Variants in MCC observed in about 807,000 individuals in gnomAD.
MCC encodes the protein MCC regulator of Wnt signaling pathway, also known as colorectal mutant cancer protein.
MCC carries 90 observed loss-of-function variants against 116.2 expected under a neutral mutation model. The observed-to-expected ratio is 0.77, with a 90% CI of 0.65 to 0.92. The LOEUF is 0.92. Among genes scored for constraint, MCC ranks in the 40% least tolerant of loss-of-function variants. The probability of loss-of-function intolerance (pLI) is 0.00; values close to 1 mark genes in which losing one functional copy is unlikely to be tolerated. For synonymous variants in MCC, 578 were observed against 510.5 expected (o/e 1.13, Z -1.78); for missense variants, 1,516 against 1,312.2 (o/e 1.16, Z -2.40).
chr5:113,065,227 C>G, intron 13 of MCC, among the ~76,000 whole-genome samples: 1 of 152,124 alleles, frequency 6.6e-6, no homozygotes, highest in East Asian at 1.9e-4. Flanking sequence ...AGGTTCATCA[C>G]TTGTAACTAA....
intron 17 of MCC, among the ~76,000 whole-genome samples, chr5:113,043,102 C>T (rs1219939406): frequency 6.6e-6 from 1 of 152,142 alleles, no homozygotes; most frequent in Admixed American, 6.5e-5. Context: ...GAAAGAAACA[C>T]TGAAATAATA....
intron 17 of MCC, among the ~76,000 whole-genome samples, chr5:113,038,398 G>A (rs571517545): frequency 1.3e-5 from 2 of 152,276 alleles, no homozygotes; most frequent in East Asian, 3.9e-4. Context: ...TGTGGGGACT[G>A]AGGGTTAAGG....
intron 13 of MCC, among the ~76,000 whole-genome samples, chr5:113,066,940 A>T (rs762307076): frequency 1.3e-5 from 2 of 152,168 alleles, no homozygotes; most frequent in African/African-American, 4.8e-5. Context: ...CCGAAGGCTA[A>T]GGGGGTGTCC....
At chr5:113,030,504 C>T (rs1750879181) in intron 17 of MCC, among the ~76,000 whole-genome samples, 1 of 152,108 alleles carries the variant, frequency 6.6e-6, no homozygotes, top group Admixed American at 6.5e-5. Flanking sequence ...CATGGTGAAA[C>T]CCCATCTCTA....
At chr5:113,311,091 C>T (rs1420033582) in intron 3 of MCC, among the ~76,000 whole-genome samples, 1 of 152,186 alleles carries the variant, frequency 6.6e-6, no homozygotes, top group Non-Finnish European at 1.5e-5. Context: ...GATCAAGCCA[C>T]TGCACTTCAG....
intron 15 of MCC, among the ~76,000 whole-genome samples, chr5:113,049,700 G>A (rs1177028557): frequency 6.6e-6 from 1 of 152,226 alleles, no homozygotes; most frequent in Non-Finnish European, 1.5e-5. Flanking sequence ...ACCTATCCAT[G>A]GAAGGCCTCT....
At chr5:113,300,169 T>C (rs1244511110) in intron 3 of MCC, among the ~76,000 whole-genome samples, 1 of 152,180 alleles carries the variant, frequency 6.6e-6, no homozygotes, top group African/African-American at 2.4e-5. Context: ...GTGATAAACA[T>C]CAGGTTAATT....
chr5:113,333,076 A>G (rs888006880), intron 3 of MCC, among the ~76,000 whole-genome samples: 5 of 151,714 alleles, frequency 3.3e-5, no homozygotes, highest in Non-Finnish European at 7.3e-5. Flanking sequence ...TTTATGGTTG[A>G]TATGAAAAAA....
At chr5:113,422,772 A>G (rs562277603) in intron 1 of MCC, among the ~76,000 whole-genome samples, 3 of 152,350 alleles carry the variant, frequency 2.0e-5, no homozygotes, top group South Asian at 4.1e-4. Context: ...GGAGATAAAT[A>G]GGAATTAGTG....
chr5:113,027,164 C>T lies in MCC; in HGVS notation c.*138G>A, dbSNP rs1007192746. On this transcript the variant is annotated 3_prime_UTR_variant, in exon 19 of 19. Coordinates refer to ENST00000408903, the MANE Select transcript of MCC (RefSeq NM_001085377.2). ...AGTCGCCCCAAGGGTTGAGTTGGGG[C>T]ACTCCATTGTCCAAGTGCCGACCTA... The T allele has an allele frequency of 3.9e-5, 31 of 804,810 alleles. No homozygotes were observed. In the East Asian group the frequency reaches 8.3e-4, roughly 21 times the overall value. The allele number at this position is 804,810 out of a possible 1,614,324, so 49.9% of individuals were successfully genotyped here.
chr5:113,307,487 T>C (rs1767018608), intron 3 of MCC, among the ~76,000 whole-genome samples: 1 of 152,252 alleles, frequency 6.6e-6, no homozygotes. Flanking sequence ...TTTTTGCACA[T>C]TGATCTTGTA....
At position 113,024,958 on chromosome 5, in the gene MCC, G is replaced by C. The variant is rs751460151; in HGVS notation, c.*2344C>G. ...CACATTTGAAAGTACTAAAACTAAG[G>C]TCAGGTAGCATGAGTAAAACTGGGG... On this transcript the variant is annotated 3_prime_UTR_variant, in exon 19 of 19. Coordinates refer to ENST00000408903, the MANE Select transcript of MCC (RefSeq NM_001085377.2). 3.3e-5 allele frequency: 5 copies of C among 152,058 alleles called. No individual in the cohort carries two copies. Among genetic ancestry groups the C allele is most frequent in the Non-Finnish European group, 5.9e-5 (4 of 68,012 alleles). 9.4% of individuals were successfully genotyped at this position (152,058 alleles called of 1,614,324 possible).
chr5:113,471,992 G>A (rs925751588), intron 1 of MCC, among the ~76,000 whole-genome samples: 1 of 152,054 alleles, frequency 6.6e-6, no homozygotes, highest in African/African-American at 2.4e-5. Flanking sequence ...CTGGTGTGCC[G>A]TTTTTTAAGC....
intron 3 of MCC, among the ~76,000 whole-genome samples, chr5:113,333,122 G>A (rs1474166961): frequency 2.0e-5 from 3 of 151,614 alleles, no homozygotes; most frequent in African/African-American, 7.3e-5. Flanking sequence ...TGAAACACAA[G>A]AAGCTGATCA....
intron 1 of MCC, among the ~76,000 whole-genome samples, chr5:113,448,776 A>G (rs1267321262): frequency 1.3e-5 from 2 of 152,232 alleles, no homozygotes; most frequent in Non-Finnish European, 2.9e-5. Context: ...TTAGATTTCA[A>G]TGCTAATGGG....
At chr5:113,199,219 A>C (rs1240852427) in intron 3 of MCC, among the ~76,000 whole-genome samples, 5 of 152,080 alleles carry the variant, frequency 3.3e-5, no homozygotes, top group African/African-American at 1.2e-4. Flanking sequence ...AGCATCCTGC[A>C]AGGACAGGTG....
Position 113,459,029 on chromosome 5 carries a change from C to T in MCC, c.170+29216G>A, listed in dbSNP as rs890297862. Among the ~76,000 whole-genome samples, 3 of 152,020 alleles carry T rather than the reference C, an allele frequency of 2.0e-5. No homozygotes were observed. In the South Asian group the frequency reaches 6.2e-4, roughly 31 times the overall value. On this transcript the variant is annotated intron_variant, in intron 1 of 18. Coordinates refer to ENST00000408903, the MANE Select transcript of MCC (RefSeq NM_001085377.2). ...TAACCTTGCCAGACACCAGCCTCTCCCAGACAGCTCACTGAAGAAGAGGTC... is the reference window on the plus strand; with the variant it reads ...TAACCTTGCCAGACACCAGCCTCTCTCAGACAGCTCACTGAAGAAGAGGTC...
chr5:113,440,206 T>C (rs1489537915), intron 1 of MCC, among the ~76,000 whole-genome samples: 2 of 152,350 alleles, frequency 1.3e-5, no homozygotes, highest in East Asian at 3.9e-4. Flanking sequence ...AGCCCAGTGC[T>C]CCTTATTAAA....
At chr5:113,233,962 T>C (rs1464205749) in intron 3 of MCC, among the ~76,000 whole-genome samples, 1 of 152,142 alleles carries the variant, frequency 6.6e-6, no homozygotes, top group Non-Finnish European at 1.5e-5. Context: ...ATACAGTGTA[T>C]ATGCAAAAGA....
Sources: allele counts gnomAD v4.1 joint callset (sites outside exome capture counted in the v4.1 genomes callset), GRCh38; gene constraint gnomAD v4.1.1; transcripts MANE v1.5; gene names NCBI Gene and HGNC (gene_info 2026-07-23, HGNC 2026-07-21).